SAFB: variants seen among roughly 807,000 people sequenced by gnomAD.
The protein encoded by SAFB is scaffold attachment factor B, also known as scaffold attachment factor B1.
Under a neutral mutation model 101.6 loss-of-function variants are expected in SAFB, and 15 were observed. That is an observed-to-expected ratio of 0.15 (90% confidence interval 0.10 to 0.23). The LOEUF is 0.23. Among genes scored for constraint, SAFB ranks in the 10% least tolerant of loss-of-function variants. The pLI is 1.00. For synonymous variants in SAFB, 449 were observed against 407.5 expected (o/e 1.10, Z -1.23); for missense variants, 930 against 1,104.1 (o/e 0.84, Z 2.23).
intron 2 of SAFB, among the ~76,000 whole-genome samples, chr19:5,638,303 A>T (rs996313781): frequency 6.6e-6 from 1 of 152,078 alleles, no homozygotes; most frequent in Non-Finnish European, 1.5e-5. Context: ...CACATTTTTT[A>T]AAATTACTAA....
intron 2 of SAFB, among the ~76,000 whole-genome samples, chr19:5,632,047 T>C (rs1245249660): frequency 6.6e-6 from 1 of 152,100 alleles, no homozygotes; most frequent in African/African-American, 2.4e-5. Flanking sequence ...AGACTCTGTC[T>C]CGAAAAAATA....
chr19:5,656,436 C>T (rs575123912), intron 13 of SAFB, among the ~76,000 whole-genome samples: 4 of 152,068 alleles, frequency 2.6e-5, no homozygotes, highest in Admixed American at 6.5e-5. Flanking sequence ...CCACTATGCC[C>T]GGCTAATTTT....
At chr19:5,635,030 C>T (rs908801191) in intron 2 of SAFB, among the ~76,000 whole-genome samples, 4 of 152,062 alleles carry the variant, frequency 2.6e-5, no homozygotes, top group Admixed American at 1.3e-4. Context: ...CCCAGCTACT[C>T]GGGAGGCTGA....
chr19:5,645,495 A>T (rs2053809006), intron 5 of SAFB, 96 bp downstream of exon 5: 5 of 651,286 alleles, frequency 7.7e-6, no homozygotes, highest in Non-Finnish European at 8.4e-6. Flanking sequence ...CCAGCTAATA[A>T]TCACCACAAG....
Position 5,664,122 on chromosome 19 carries a change from A to C in SAFB, c.2254A>C (p.Arg752=). ...GGACCGCTTCCACGACTTTGACCAC[A>C]GGGACCGCGGCCGCTACCCCGACCA... ...RQDRFHDFDH[R]DRGRYPDHSV... Residue 752 remains arginine, a synonymous_variant, in exon 16 of 21, where the codon AGG becomes CGG. Transcript: ENST00000588852. 1 of 1,614,002 alleles carries C rather than the reference A, an allele frequency of 6.2e-7. No individual in the cohort carries two copies. The highest frequency in any genetic ancestry group is 8.5e-7 in the Non-Finnish European group (1 of 1,180,034).
At position 5,667,093 on chromosome 19, in the gene SAFB, C is replaced by G. The variant is rs1409740599; in HGVS notation, c.2382C>G (p.Ser794=). The change falls in exon 18 of 21, where the codon TCC becomes TCG. Residue 794 remains serine, a synonymous_variant. Transcript: ENST00000588852. This position sits in a 1 kb window ranked among gnomAD's most constrained non-coding sequence, Gnocchi z 4.0. ...GACCAGAGCGCCACGGCCGGGACTC[C>G]CGCGATGGCTGGGGGGGCTATGGCT... ...HGGPERHGRD[S]RDGWGGYGSD... is the part of the protein sequence containing the mutation. 1.2e-6 allele frequency: 2 copies of G among 1,612,772 alleles called. No individual in the cohort carries two copies. The highest frequency in any genetic ancestry group is 2.7e-5 in the African/African-American group (2 of 74,914).
chr19:5,628,691 A>G (rs945352397), intron 2 of SAFB, among the ~76,000 whole-genome samples: 3 of 152,216 alleles, frequency 2.0e-5, no homozygotes, highest in African/African-American at 7.2e-5. Context: ...GTCAGGCCCC[A>G]GTGTCAGCCA....
intron 2 of SAFB, among the ~76,000 whole-genome samples, chr19:5,637,116 G>A (rs897907868): frequency 6.7e-6 from 1 of 150,280 alleles, no homozygotes; most frequent in Admixed American, 6.6e-5. Flanking sequence ...AGGCCGAGGC[G>A]GGTGGATCAC....
At chr19:5,655,232 G>A (rs1347667879) in intron 13 of SAFB, among the ~76,000 whole-genome samples, 3 of 152,044 alleles carry the variant, frequency 2.0e-5, no homozygotes, top group African/African-American at 7.2e-5. Flanking sequence ...GCTGAGCTGG[G>A]AGGATACTTG....
In SAFB at chr19:5,667,348, G is replaced by A; in HGVS notation, c.2455G>A (p.Gly819Ser). 1.3e-6 allele frequency: 2 copies of A among 1,494,552 alleles called. No homozygotes were observed. Among genetic ancestry groups the A allele is most frequent in the East Asian group, 5.0e-5 (2 of 40,352 alleles). 92.6% of individuals were successfully genotyped at this position (1,494,552 alleles called of 1,614,324 possible). A position where few individuals can be genotyped will look rare whatever the true frequency, so the allele number is the denominator to read the frequency against. ...EGRGLPPPPR[G>S]RRDWGDHGRR... ...AATCAGAGATGTCTCTCTTTCAAGG[G>A]GCAGACGTGACTGGGGGGACCATGG... The change falls in exon 19 of 21, where the codon GGC (glycine) becomes AGC (serine). Residue 819 changes from glycine (G) to serine (S), a missense_variant and splice_region_variant. By Grantham distance (56) the Gly-to-Ser change is moderately conservative (BLOSUM62 0). Transcript: ENST00000588852. This position sits in a 1 kb window ranked among gnomAD's most constrained non-coding sequence, Gnocchi z 4.0.
intron 7 of SAFB, 135 bp downstream of exon 7, chr19:5,649,634 C>T (rs1167121387): frequency 1.5e-5 from 9 of 587,946 alleles, no homozygotes; most frequent in Non-Finnish European, 2.1e-5. Context: ...AAGAATGTTT[C>T]GTTTCTCTTT....
In SAFB at chr19:5,657,316, C is replaced by G. The variant is rs2054085757; in HGVS notation, c.1831C>G (p.Pro611Ala). 2 of 1,613,324 alleles carry G rather than the reference C, an allele frequency of 1.2e-6. No homozygotes were observed. The highest frequency in any genetic ancestry group is 3.3e-5 in the Admixed American group (2 of 59,962). ...CGTGTCCTTTGATAAGGTCAAGGAG[C>G]CTCGGAAGTCAAGAGACTCAGAGTC... ...SVVSFDKVKE[P>A]RKSRDSESHS... Residue 611 changes from proline to alanine, a missense_variant, in exon 14 of 21, where the codon CCT (proline) becomes GCT (alanine). Transcript: ENST00000588852.
chr19:5,664,784 G>A, intron 17 of SAFB: 1 of 283,716 alleles, frequency 3.5e-6, no homozygotes, highest in Non-Finnish European at 6.9e-6. Flanking sequence ...TCAGACAGGT[G>A]CATCTGGGGA....
At chr19:5,650,831 A>G (rs926825666) in intron 8 of SAFB, 147 bp from the exon 9 acceptor site, 12 of 583,770 alleles carry the variant, frequency 2.1e-5, no homozygotes, top group Admixed American at 6.2e-5. Flanking sequence ...TGGTGAGGAT[A>G]GTGGTCAGGC....
At position 5,641,882 on chromosome 19, in the gene SAFB, C is replaced by A; in HGVS notation, c.482C>A (p.Ser161Ter). The change falls in exon 4 of 21, where the codon TCG (serine) becomes TAG (stop). Residue 161 changes from serine to a stop codon, truncating the protein, a stop_gained. Transcript: ENST00000588852. LOFTEE classifies it high-confidence loss of function. ...GCTGATAACCTCCAGGAGTCCCTGT[C>A]GGATAGTAGAGAGCTAGTCGAGGGG... Reference protein sequence around the residue: ...DDADNLQESLSDSRELVEGEM... With the variant: ...DDADNLQESL The A allele has an allele frequency of 6.2e-7, 1 of 1,614,080 alleles. No homozygotes were observed. The highest frequency in any genetic ancestry group is 1.1e-5 in the South Asian group (1 of 91,054).
intron 2 of SAFB, among the ~76,000 whole-genome samples, chr19:5,634,864 G>A (rs2053562185): frequency 6.6e-6 from 1 of 152,084 alleles, no homozygotes; most frequent in Non-Finnish European, 1.5e-5. Flanking sequence ...TCCGCAAGGT[G>A]CGGTGACTCA....
chr19:5,665,531 C>T (rs2054309262), intron 17 of SAFB: 1 of 151,612 alleles, frequency 6.6e-6, no homozygotes, highest in African/African-American at 2.4e-5. Context: ...GACGGGATCT[C>T]ACTATGTTGC....
chr19:5,653,290 T>G (rs769574895), intron 10 of SAFB, 26 bp downstream of exon 10: 32 of 1,613,998 alleles, frequency 2.0e-5, no homozygotes, highest in Middle Eastern at 1.6e-4. Context: ...CTTCCCAGGA[T>G]ATAGCCCACA....
Position 5,661,543 on chromosome 19 carries a change from G to C in SAFB, c.1888G>C (p.Glu630Gln). Residue 630 changes from glutamate (E) to glutamine (Q), a missense_variant, in exon 15 of 21, where the codon GAA (glutamate) becomes CAA (glutamine). Coordinates refer to ENST00000588852, the MANE Select transcript of SAFB (RefSeq NM_001201338.2). ...HSRVRERSEREQRMQAQWERE... is the reference protein window; with the variant it reads ...HSRVRERSERQQRMQAQWERE... ...CAGGGTGCGTGAACGCAGTGAACGC[G>C]AACAACGCATGCAGGCGCAGTGGGA... The C allele has an allele frequency of 1.2e-6, 2 of 1,612,958 alleles. No homozygotes were observed. The highest frequency in any genetic ancestry group is 2.2e-5 in the South Asian group (2 of 91,010).
Sources: allele counts gnomAD v4.1 joint callset (sites outside exome capture counted in the v4.1 genomes callset), GRCh38; gene constraint gnomAD v4.1.1; non-coding constraint Gnocchi (gnomAD v3.1); transcripts MANE v1.5; gene names NCBI Gene and HGNC (gene_info 2026-07-23, HGNC 2026-07-21).